PLA2R1: variants seen among roughly 807,000 people sequenced by gnomAD.
PLA2R1 encodes the protein phospholipase A2 receptor 1, also known as secretory phospholipase A2 receptor.
In PLA2R1, 158 loss-of-function variants were observed where a neutral mutation model predicts 195.9. The observed-to-expected ratio is 0.81, with a 90% CI of 0.71 to 0.92. PLA2R1 has a LOEUF of 0.92. Among genes scored for constraint, PLA2R1 ranks in the 40% least tolerant of loss-of-function variants. PLA2R1 has a pLI of 0.00. For synonymous variants in PLA2R1, 586 were observed against 598.2 expected, an observed-to-expected ratio of 0.98 and a Z score of 0.30; for missense variants, 1,626 against 1,764.6, an observed-to-expected ratio of 0.92 and a Z score of 1.41.
intron 17 of PLA2R1, among the ~76,000 whole-genome samples, chr2:159,975,768 TA>T (rs1689504901): frequency 6.6e-6 from 1 of 152,138 alleles, no homozygotes; most frequent in South Asian, 2.1e-4. Flanking sequence ...TACCAGTGAT[TA>T]AATGATCGAA....
intron 10 of PLA2R1, among the ~76,000 whole-genome samples, chr2:160,008,491 C>T (rs537929603): frequency 5.9e-5 from 9 of 152,256 alleles, no homozygotes; most frequent in South Asian, 2.1e-4. Context: ...AACTAGACAA[C>T]CACTTGCAAC....
At chr2:159,947,355 AT>A in intron 26 of PLA2R1, 63 bp downstream of exon 26, 1 of 1,379,218 alleles carries the variant, frequency 7.3e-7, no homozygotes, top group South Asian at 1.3e-5. Flanking sequence ...AGAAATCCAC[AT>A]TGTTTACTGA....
intron 25 of PLA2R1, among the ~76,000 whole-genome samples, chr2:159,948,900 C>T (rs1291233389): frequency 6.6e-6 from 1 of 152,154 alleles, no homozygotes; most frequent in Admixed American, 6.5e-5. Context: ...TTGATTTCTA[C>T]TCTTGGTACT....
chr2:160,055,854 CT>C (rs999697499), intron 1 of PLA2R1, among the ~76,000 whole-genome samples: 19 of 152,102 alleles, frequency 1.2e-4, no homozygotes, highest in African/African-American at 4.6e-4. Flanking sequence ...GCATTTTTAC[CT>C]TTGTATTAGA....
chr2:159,957,863 T>C (rs1214236411), intron 20 of PLA2R1, among the ~76,000 whole-genome samples: 1 of 152,180 alleles, frequency 6.6e-6, no homozygotes, highest in African/African-American at 2.4e-5. Context: ...GGAGAAACTT[T>C]ATGCAAAGGA....
chr2:160,009,114 A>G (rs1402614907), intron 10 of PLA2R1, among the ~76,000 whole-genome samples: 3 of 152,362 alleles, frequency 2.0e-5, no homozygotes, highest in Non-Finnish European at 4.4e-5. Context: ...GTGGGAATGG[A>G]AAATGGTGTA....
intron 4 of PLA2R1, among the ~76,000 whole-genome samples, chr2:160,032,032 G>A (rs1231971223): frequency 6.6e-6 from 1 of 152,238 alleles, no homozygotes; most frequent in African/African-American, 2.4e-5. Flanking sequence ...CTCCCAAAGT[G>A]CTGGGATTAC....
intron 11 of PLA2R1, among the ~76,000 whole-genome samples, chr2:159,998,076 A>G (rs1322623219): frequency 6.6e-6 from 1 of 152,126 alleles, no homozygotes; most frequent in Non-Finnish European, 1.5e-5. Context: ...TGTATAGGCC[A>G]CAATCATACC....
rs1370128321 is a variant in PLA2R1 at position 159,934,228 on chromosome 2, T to G, written c.*7550A>C. On this transcript the variant is annotated 3_prime_UTR_variant, in exon 30 of 30. Transcript: ENST00000283243. ...TGAGTTTTTCCCTGCTGTACCCTATTAATACTAAGGCACGAGGTTGTAGGG... is the reference window on the plus strand; with the variant it reads ...TGAGTTTTTCCCTGCTGTACCCTATGAATACTAAGGCACGAGGTTGTAGGG... 6.6e-6 allele frequency: 1 copy of G among 152,196 alleles called. No individual in the cohort carries two copies. Among genetic ancestry groups the G allele is most frequent in the Middle Eastern group, 3.2e-3 (1 of 316 alleles). The allele number at this position is 152,196 out of a possible 1,614,324, so 9.4% of individuals were successfully genotyped here.
intron 4 of PLA2R1, among the ~76,000 whole-genome samples, chr2:160,029,745 C>T (rs748730955): frequency 1.1e-4 from 17 of 152,072 alleles, no homozygotes; most frequent in Non-Finnish European, 1.9e-4. Flanking sequence ...TAAATAGGTA[C>T]TACTTATGCA....
chr2:159,965,356 G>A (rs1207142632), intron 20 of PLA2R1, among the ~76,000 whole-genome samples: 1 of 152,144 alleles, frequency 6.6e-6, no homozygotes, highest in Non-Finnish European at 1.5e-5. Context: ...TGTCTCTCTA[G>A]TTTTGTCTTT....
intron 13 of PLA2R1, among the ~76,000 whole-genome samples, chr2:159,980,718 T>A (rs771731346): frequency 4.6e-5 from 7 of 152,220 alleles, no homozygotes; most frequent in Non-Finnish European, 7.3e-5. Flanking sequence ...AATCGAGTAA[T>A]AAAGCCTACC....
rs1033555911 is a variant in PLA2R1 at position 159,984,033 on chromosome 2, C to T, written c.2078G>A (p.Arg693Lys). 6.3e-7 allele frequency: 1 copy of T among 1,585,672 alleles called. No homozygotes were observed. Among genetic ancestry groups the T allele is most frequent in the African/African-American group, 1.3e-5 (1 of 74,524 alleles). Residue 693 changes from arginine (R) to lysine (K), a missense_variant, in exon 13 of 30, where the codon AGA (arginine) becomes AAA (lysine). Coordinates refer to ENST00000283243, the MANE Select transcript of PLA2R1 (RefSeq NM_007366.5). ...SEKVLMKRTWREAEAFCEEFG... is the reference protein window; with the variant it reads ...SEKVLMKRTWKEAEAFCEEFG... ...TTCTTCGCAAAATGCTTCAGCTTCT[C>T]TCCATGTTCTTTTCATCAGAACTTT... is the stretch of plus-strand genomic sequence containing the variant.
rs574155286 is a variant in PLA2R1, at chr2:160,062,510, G to A, written c.-107C>T. 1.9e-5 allele frequency: 26 copies of A among 1,377,302 alleles called. No homozygotes were observed. The African/African-American group carries it at 3.4e-4, about 18-fold the overall frequency. The allele number at this position is 1,377,302 out of a possible 1,614,324, so 85.3% of individuals were successfully genotyped here. A position where few individuals can be genotyped will look rare whatever the true frequency, so the allele number is the denominator to read the frequency against. ...GGCCCCGCCGCGCGGAAGCGGATCC[G>A]TAGCCTCCTCCGCGCCCCACCCCCT... On this transcript the variant is annotated 5_prime_UTR_variant, in exon 1 of 30. The change creates a new upstream start codon in the 5' untranslated region. Transcript: ENST00000283243.
intron 7 of PLA2R1, among the ~76,000 whole-genome samples, chr2:160,021,081 C>T (rs919802683): frequency 3.3e-5 from 5 of 152,112 alleles, no homozygotes; most frequent in African/African-American, 1.2e-4. Flanking sequence ...AACAAACAAA[C>T]TTTTAATGAT....
intron 3 of PLA2R1, among the ~76,000 whole-genome samples, chr2:160,036,359 C>T (rs1316592286): frequency 6.6e-6 from 1 of 152,170 alleles, no homozygotes; most frequent in East Asian, 1.9e-4. Context: ...CCTCCAAGTT[C>T]TTAGGAGTGA....
chr2:160,001,570 T>C (rs1036320400), intron 11 of PLA2R1, among the ~76,000 whole-genome samples: 2 of 152,034 alleles, frequency 1.3e-5, no homozygotes, highest in Non-Finnish European at 2.9e-5. Context: ...AAGTGATACA[T>C]TAACTCTAAG....
chr2:160,027,212 T>C (rs1164772981), intron 6 of PLA2R1, among the ~76,000 whole-genome samples: 1 of 152,058 alleles, frequency 6.6e-6, no homozygotes, highest in East Asian at 1.9e-4. Context: ...TCTGGTCTTC[T>C]GACCTCAATT....
At chr2:159,926,497 C>T in the PLA2R1 span, among the ~76,000 whole-genome samples, 1 of 152,028 alleles carries the variant, frequency 6.6e-6, no homozygotes, top group African/African-American at 2.4e-5. Context: ...TAGGGCTGAA[C>T]ATGTGTTTAA....
Sources: gnomAD v4.1 joint callset for allele counts (sites outside exome capture counted in the v4.1 genomes callset) on GRCh38, gnomAD v4.1.1 for gene constraint, MANE v1.5 for transcripts, NCBI Gene and HGNC (gene_info 2026-07-23, HGNC 2026-07-21) for gene names.